HERC2: variants seen among roughly 807,000 people sequenced by gnomAD.
The protein encoded by HERC2 is HECT and RLD domain containing E3 ubiquitin protein ligase 2, also known as E3 ubiquitin-protein ligase HERC2.
Under a neutral mutation model 537.7 loss-of-function variants are expected in HERC2, and 102 were observed. That is an observed-to-expected ratio of 0.19 (90% confidence interval 0.16 to 0.22). The LOEUF (loss-of-function observed/expected upper bound fraction) is 0.22. HERC2 is among the 10% of genes least tolerant of loss of function. HERC2 has a pLI of 1.00. For synonymous variants in HERC2, 2,224 were observed against 2,466.2 expected (o/e 0.90, Z 2.91); for missense variants, 4,236 against 6,198.2 (o/e 0.68, Z 10.63).
intron 44 of HERC2, 86 bp downstream of exon 44, chr15:28,210,916 C>G (rs1483202890): frequency 9.3e-7 from 1 of 1,069,654 alleles, no homozygotes; most frequent in East Asian, 2.3e-5. Flanking sequence ...CCACCTATGT[C>G]CATTTTTATG....
At chr15:28,157,161 T>G (rs1893093229) in intron 69 of HERC2, among the ~76,000 whole-genome samples, 2 of 152,244 alleles carry the variant, frequency 1.3e-5, no homozygotes, top group Non-Finnish European at 2.9e-5. Context: ...AGTATTTTAT[T>G]GAGGATTTTT....
At position 28,176,772 on chromosome 15, in the gene HERC2, C is replaced by T. The variant is rs1447786039; in HGVS notation, c.9433-4G>A. ...TGTGACCGAGAAGGACTTTCACCTA[C>T]TCAATTACAAATTTAAAAACAGAAT... On this transcript the variant is annotated splice_region_variant and splice_polypyrimidine_tract_variant and intron_variant, in intron 61 of 92. Transcript: ENST00000261609. This position sits in a 1 kb window ranked among gnomAD's most constrained non-coding sequence, Gnocchi z 5.0. 4 of 1,613,348 alleles carry T rather than the reference C, an allele frequency of 2.5e-6. No individual in the cohort carries two copies. Among genetic ancestry groups the T allele is most frequent in the Non-Finnish European group, 3.4e-6 (4 of 1,179,616 alleles).
chr15:28,257,607 G>C (rs1430621418), intron 16 of HERC2, among the ~76,000 whole-genome samples: 1 of 152,200 alleles, frequency 6.6e-6, no homozygotes, highest in Non-Finnish European at 1.5e-5. Flanking sequence ...CGAATTGTTA[G>C]ATGCATATGA....
chr15:28,204,809 C>G (rs1226739151), intron 45 of HERC2, among the ~76,000 whole-genome samples: 1 of 152,118 alleles, frequency 6.6e-6, no homozygotes. Flanking sequence ...CAGATCAAGA[C>G]AAACTAACCA....
At chr15:28,237,999 T>G (rs1567054905) in intron 25 of HERC2, 115 bp downstream of exon 25, 1 of 813,378 alleles carries the variant, frequency 1.2e-6, no homozygotes, top group Non-Finnish European at 2.2e-6. Context: ...TATTTATCCC[T>G]AATGCCCCAC....
chr15:28,143,963 C>A lies in HERC2; in HGVS notation c.11328G>T (p.Gln3776His), dbSNP rs754341273. Residue 3776 changes from glutamine to histidine, a missense_variant, in exon 74 of 93, where the codon CAG (glutamine) becomes CAT (histidine). Around this residue, in one of 27 missense-constraint regions of HERC2, gnomAD observed 109 missense variants for 133.5 expected, o/e 0.82. Transcript: ENST00000261609. ...CAGTTGTAAGCAGCTTCCTCAGTCTCTGAAGGGCCCACATTCTGTGACTGG... is the reference window on the plus strand; with the variant it reads ...CAGTTGTAAGCAGCTTCCTCAGTCTATGAAGGGCCCACATTCTGTGACTGG... ...LAASHRMWAL[Q>H]RLRKLLTTEF... 9 of 1,614,160 alleles carry A rather than the reference C, an allele frequency of 5.6e-6. 1 individual carries two copies. The South Asian group carries it at 9.9e-5, about 18-fold the overall frequency.
intron 4 of HERC2, among the ~76,000 whole-genome samples, chr15:28,285,581 T>G (rs926422352): frequency 6.6e-6 from 1 of 151,444 alleles, no homozygotes; most frequent in Non-Finnish European, 1.5e-5. Flanking sequence ...AAATAAATGA[T>G]ATATTAGAAA....
intron 9 of HERC2, among the ~76,000 whole-genome samples, chr15:28,271,715 C>A (rs146414784): frequency 6.1e-4 from 93 of 152,174 alleles, no homozygotes; most frequent in African/African-American, 2.2e-3. Context: ...AACCAAAGCA[C>A]GATATTGGAA....
chr15:28,233,019 T>C, intron 30 of HERC2, 127 bp downstream of exon 30: 1 of 697,068 alleles, frequency 1.4e-6, no homozygotes, highest in South Asian at 1.9e-5. Flanking sequence ...GTAATAAAAA[T>C]GATGGCAGCA....
chr15:28,130,115 C>T (rs182750302), intron 83 of HERC2, 48 bp downstream of exon 83: 8 of 1,608,680 alleles, frequency 5.0e-6, no homozygotes, highest in South Asian at 1.1e-5. Flanking sequence ...ATGCTCAACC[C>T]TCTTAGATTC....
Position 28,228,385 on chromosome 15 carries a change from G to A in HERC2, c.5297C>T (p.Thr1766Ile). The change falls in exon 35 of 93, where the codon ACC becomes ATC. Residue 1766 changes from threonine (T) to isoleucine (I), a missense_variant. Physicochemically the swap from Thr to Ile is moderately conservative, Grantham distance 89. This residue lies in a region of HERC2 where 343 missense variants were observed against 417.2 expected (regional missense o/e 0.82). Coordinates refer to ENST00000261609, the MANE Select transcript of HERC2 (RefSeq NM_004667.6). ...TCCTGACGGGTTCTCATTGGTGATGGTTTGCAGGGGAACCGGCTGGATACC... is the reference window on the plus strand; with the variant it reads ...TCCTGACGGGTTCTCATTGGTGATGATTTGCAGGGGAACCGGCTGGATACC... ...ELGIQPVPLQ[T>I]ITNENPSGPS... The A allele has an allele frequency of 6.2e-7, 1 of 1,612,064 alleles. No individual in the cohort carries two copies. The highest frequency in any genetic ancestry group is 8.5e-7 in the Non-Finnish European group (1 of 1,179,866).
intron 4 of HERC2, among the ~76,000 whole-genome samples, chr15:28,282,242 T>C (rs1283572571): frequency 6.6e-6 from 1 of 152,116 alleles, no homozygotes; most frequent in Non-Finnish European, 1.5e-5. Flanking sequence ...ACACAGAAGA[T>C]TTAAGTAAGA....
chr15:28,239,088 C>A (rs1902769422), intron 23 of HERC2, among the ~76,000 whole-genome samples: 1 of 151,978 alleles, frequency 6.6e-6, no homozygotes, highest in African/African-American at 2.4e-5. Flanking sequence ...AATAGGTTTT[C>A]AAAAATTCAT....
At chr15:28,296,691 A>G (rs1305707332) in intron 3 of HERC2, among the ~76,000 whole-genome samples, 1 of 1,230 alleles carries the variant, frequency 8.1e-4, no homozygotes, top group African/African-American at 2.0e-3. Flanking sequence ...CTGATACATA[A>G]AAAAAAAAAA....
chr15:28,122,285 G>A lies in HERC2; in HGVS notation c.13189-856C>T, dbSNP rs1420936960. On this transcript the variant is annotated intron_variant, in intron 85 of 92. Transcript: ENST00000261609. The surrounding 1 kb of genome is among the most constrained non-coding windows in gnomAD (Gnocchi z 4.1). ...AGGGCAGAGGATGCGGCACGCAGCC[G>A]TGCCAATGGAAAGGGATGAGACAGG... Among the ~76,000 whole-genome samples the A allele has an allele frequency of 3.9e-5, 6 of 152,234 alleles. No homozygotes were observed. The highest frequency in any genetic ancestry group is 1.2e-4 in the African/African-American group (5 of 41,474).
At chr15:28,146,110 C>T in intron 71 of HERC2, 127 bp downstream of exon 71, 1 of 665,156 alleles carries the variant, frequency 1.5e-6, no homozygotes, top group South Asian at 1.9e-5. Context: ...AGCTGAATAG[C>T]ATATTGTCCC....
intron 66 of HERC2, among the ~76,000 whole-genome samples, chr15:28,169,220 C>A (rs1392429632): frequency 6.6e-6 from 1 of 152,154 alleles, no homozygotes; most frequent in African/African-American, 2.4e-5. Context: ...TTTCTTCCCC[C>A]AAATATTGAT....
chr15:28,241,296 G>A (rs1903088428), intron 23 of HERC2, among the ~76,000 whole-genome samples: 1 of 151,836 alleles, frequency 6.6e-6, no homozygotes, highest in Non-Finnish European at 1.5e-5. Flanking sequence ...CTAATCATTA[G>A]GGACACACAA....
intron 20 of HERC2, among the ~76,000 whole-genome samples, chr15:28,252,870 T>C (rs2075128154): frequency 6.6e-6 from 1 of 152,192 alleles, no homozygotes; most frequent in Non-Finnish European, 1.5e-5. Flanking sequence ...CTAAGTTCGT[T>C]TTTCTGGTTG....
Sources: allele counts gnomAD v4.1 joint callset (sites outside exome capture counted in the v4.1 genomes callset), GRCh38; gene constraint gnomAD v4.1.1; regional missense constraint gnomAD v4.1.1; non-coding constraint Gnocchi (gnomAD v3.1); transcripts MANE v1.5; gene names NCBI Gene and HGNC (gene_info 2026-07-23, HGNC 2026-07-21).